The following ASTN2 variants were observed in gnomAD, a reference collection of about 807,000 sequenced individuals.
The protein encoded by ASTN2 is astrotactin 2, also known as astrotactin-2.
ASTN2 carries 54 observed loss-of-function variants against 139.8 expected under a neutral mutation model. The observed-to-expected ratio is 0.39, with a 90% CI of 0.31 to 0.48. The LOEUF (loss-of-function observed/expected upper bound fraction) is 0.48. Ranked by LOEUF, ASTN2 falls within the 20% of genes least tolerant of loss-of-function variation. The probability of loss-of-function intolerance (pLI) is 0.95; values close to 1 mark genes in which losing one functional copy is unlikely to be tolerated. For synonymous variants in ASTN2, 756 were observed against 719.5 expected (o/e 1.05, Z -0.81); for missense variants, 1,565 against 1,725.1 (o/e 0.91, Z 1.64).
intron 7 of ASTN2, among the ~76,000 whole-genome samples, chr9:116,999,536 CTTTCTCTCTTTCTTTTTT>C (rs1564377471): frequency 3.8e-4 from 46 of 119,584 alleles, no homozygotes; most frequent in African/African-American, 1.4e-3. Flanking sequence ...CTCTTTCTTT[CTTTCTCTCTTTCTTTTTT>C]TTTTTTTTTT....
intron 13 of ASTN2, among the ~76,000 whole-genome samples, chr9:116,751,126 T>C (rs1042784065): frequency 2.0e-5 from 3 of 148,220 alleles, no homozygotes; most frequent in Non-Finnish European, 4.4e-5. Context: ...CTAAGCAGGC[T>C]GTTAAATTTC....
chr9:117,277,262 C>T (rs1014131918), intron 2 of ASTN2: 1 of 152,172 alleles, frequency 6.6e-6, no homozygotes, highest in African/African-American at 2.4e-5. Context: ...TGTAAATTCC[C>T]CAAAACCTCT....
chr9:117,377,498 A>G (rs1008310758), intron 1 of ASTN2, among the ~76,000 whole-genome samples: 1 of 152,194 alleles, frequency 6.6e-6, no homozygotes, highest in African/African-American at 2.4e-5. Flanking sequence ...CATATCTAAA[A>G]TTACACCTTG....
chr9:117,110,337 G>T (rs918754982), intron 4 of ASTN2, among the ~76,000 whole-genome samples: 1 of 152,040 alleles, frequency 6.6e-6, no homozygotes, highest in African/African-American at 2.4e-5. Flanking sequence ...CACAGGATGG[G>T]CTTTATGCAC....
chr9:116,756,195 A>C (rs977894179), intron 13 of ASTN2, among the ~76,000 whole-genome samples: 3 of 152,158 alleles, frequency 2.0e-5, no homozygotes, highest in African/African-American at 7.2e-5. Flanking sequence ...CCACTTAATC[A>C]CTGTTCTGTC....
rs150249360 is a variant in ASTN2, at chr9:116,750,416, C to T, written c.2397-16893G>A. On this transcript the variant is annotated intron_variant, in intron 13 of 22. Transcript: ENST00000313400. ...CGCATTTCTGAAAGTTTCTTCTTCC[C>T]TTTTGTCTTTCCCACTCTCCCTGGG... is the stretch of plus-strand genomic sequence containing the variant. Among the ~76,000 whole-genome samples the T allele has an allele frequency of 2.4e-3, 361 of 152,284 alleles. 2 individuals are homozygous for T. Among genetic ancestry groups the T allele is most frequent in the African/African-American group, 7.9e-3 (329 of 41,550 alleles).
intron 5 of ASTN2, among the ~76,000 whole-genome samples, chr9:117,050,381 G>T (rs756561211): frequency 2.0e-5 from 3 of 152,058 alleles, no homozygotes; most frequent in Admixed American, 6.5e-5. Context: ...AACATTGATT[G>T]TGTATTTAGT....
chr9:116,847,007 C>CAAAAAAAAAAAA (rs11302692), intron 11 of ASTN2, among the ~76,000 whole-genome samples: 11 of 75,858 alleles, frequency 1.5e-4, no homozygotes, highest in Non-Finnish European at 2.3e-4. Flanking sequence ...GCTTCATTCT[C>CAAAAAAAAAAAA]AAAAAAAAAA....
At chr9:116,564,322 G>T (rs1385364925) in intron 19 of ASTN2, among the ~76,000 whole-genome samples, 1 of 152,158 alleles carries the variant, frequency 6.6e-6, no homozygotes, top group African/African-American at 2.4e-5. Context: ...CCCAGTCATG[G>T]GATGGATAAA....
chr9:116,629,130 T>TG (rs1165611253), intron 17 of ASTN2, among the ~76,000 whole-genome samples: 5 of 148,596 alleles, frequency 3.4e-5, no homozygotes, highest in African/African-American at 1.2e-4. Context: ...TTTTTTTTTT[T>TG]TTTTTGAGAC....
intron 16 of ASTN2, among the ~76,000 whole-genome samples, chr9:116,693,848 C>T (rs1186609552): frequency 6.6e-6 from 1 of 152,180 alleles, no homozygotes; most frequent in Non-Finnish European, 1.5e-5. Context: ...CTGAGTCATT[C>T]TCAGTATTAC....
At chr9:116,809,955 C>T (rs929471150) in intron 12 of ASTN2, among the ~76,000 whole-genome samples, 2 of 152,174 alleles carry the variant, frequency 1.3e-5, no homozygotes, top group African/African-American at 4.8e-5. Flanking sequence ...CTTTTCAAAA[C>T]ATCCTGTGAT....
intron 20 of ASTN2, among the ~76,000 whole-genome samples, chr9:116,445,574 T>C (rs1409292459): frequency 2.0e-5 from 3 of 152,194 alleles, no homozygotes; most frequent in African/African-American, 7.2e-5. Flanking sequence ...CCAAGCAGCA[T>C]GAATAAGAGA....
chr9:116,879,894 A>G (rs1217268566), intron 10 of ASTN2, among the ~76,000 whole-genome samples: 6 of 152,216 alleles, frequency 3.9e-5, no homozygotes, highest in Non-Finnish European at 5.9e-5. Context: ...TATGAAGCCT[A>G]TGGACCACAA....
At chr9:117,284,599 C>T (rs373713666) in intron 2 of ASTN2, among the ~76,000 whole-genome samples, 25 of 152,292 alleles carry the variant, frequency 1.6e-4, no homozygotes, top group African/African-American at 5.3e-4. Flanking sequence ...TTTAAACTTC[C>T]GGCCTCCAGG....
At chr9:116,597,093 T>TA (rs34886460) in intron 19 of ASTN2, among the ~76,000 whole-genome samples, 66,579 of 151,562 alleles carry the variant, frequency 0.44, 15,455 homozygotes, top group East Asian at 0.7. Context: ...GTTATATTTT[T>TA]AAAAAATGTA....
chr9:116,489,375 T>G (rs957421422), intron 19 of ASTN2, among the ~76,000 whole-genome samples: 1 of 152,158 alleles, frequency 6.6e-6, no homozygotes, highest in African/African-American at 2.4e-5. Context: ...CTCATTCTGT[T>G]GCCAAGTCTG....
intron 17 of ASTN2, among the ~76,000 whole-genome samples, chr9:116,624,542 T>C (rs752231646): frequency 9.2e-5 from 14 of 152,162 alleles, no homozygotes; most frequent in Admixed American, 3.3e-4. Flanking sequence ...TATGACAATA[T>C]CTTAGGAATT....
intron 2 of ASTN2, among the ~76,000 whole-genome samples, chr9:117,229,248 C>T (rs10983578): frequency 0.98 from 149,048 of 152,226 alleles, 73,054 homozygotes; most frequent in Middle Eastern, 1. Context: ...ACACTGATAA[C>T]GCTCCCCGCC....
Sources: allele counts gnomAD v4.1 joint callset (sites outside exome capture counted in the v4.1 genomes callset), GRCh38; gene constraint gnomAD v4.1.1; transcripts MANE v1.5; gene names NCBI Gene and HGNC (gene_info 2026-07-23, HGNC 2026-07-21).